SPMAP2L: variants seen among roughly 807,000 people sequenced by gnomAD.
SPMAP2L encodes the protein sperm microtubule associated protein 2 like.
the SPMAP2L span, chr4:56,594,816 A>G: frequency 1.9e-6 from 3 of 1,562,580 alleles, no homozygotes; most frequent in Admixed American, 1.7e-5. Context: ...ATCCATCAAC[A>G]TGGAGGATAG....
At chr4:56,543,989 A>G in the SPMAP2L span, among the ~76,000 whole-genome samples, 1 of 149,928 alleles carries the variant, frequency 6.7e-6, no homozygotes, top group African/African-American at 2.5e-5. Flanking sequence ...AGAGAGAGAG[A>G]GAGAGAGAGA....
chr4:56,562,493 A>G, the SPMAP2L span, among the ~76,000 whole-genome samples: 2 of 152,136 alleles, frequency 1.3e-5, no homozygotes, highest in Non-Finnish European at 2.9e-5. Flanking sequence ...ATAAGCTGCC[A>G]TATTTGTGTA....
chr4:56,571,040 G>A, the SPMAP2L span, among the ~76,000 whole-genome samples: 1 of 151,858 alleles, frequency 6.6e-6, no homozygotes, highest in East Asian at 1.9e-4. Flanking sequence ...CTGAGCTCAG[G>A]TGATCCACCA....
chr4:56,588,898 T>A, the SPMAP2L span, among the ~76,000 whole-genome samples: 1 of 152,240 alleles, frequency 6.6e-6, no homozygotes. Flanking sequence ...CTCCACTTTA[T>A]GCTTTTGTTT....
the SPMAP2L span, among the ~76,000 whole-genome samples, chr4:56,558,283 T>G: frequency 1.1e-4 from 16 of 152,272 alleles, no homozygotes; most frequent in African/African-American, 3.6e-4. Flanking sequence ...CAAATTTTTC[T>G]TGACTGTAGA....
chr4:56,549,130 G>C, the SPMAP2L span, among the ~76,000 whole-genome samples: 2 of 151,394 alleles, frequency 1.3e-5, no homozygotes, highest in African/African-American at 2.4e-5. Flanking sequence ...CTGGGATTAC[G>C]GGCATGTGCC....
chr4:56,542,292 G>C, the SPMAP2L span, among the ~76,000 whole-genome samples: 2 of 152,018 alleles, frequency 1.3e-5, no homozygotes, highest in African/African-American at 4.8e-5. Context: ...TCCTTTCTCT[G>C]GCCACTGTAT....
At chr4:56,612,032 T>C in the SPMAP2L span, among the ~76,000 whole-genome samples, 5,022 of 152,320 alleles carry the variant, frequency 0.033, 257 homozygotes, top group African/African-American at 0.11. Flanking sequence ...TGCTCCCATT[T>C]GGGTGGTCTT....
At chr4:56,536,499 G>A in the SPMAP2L span, among the ~76,000 whole-genome samples, 4 of 152,116 alleles carry the variant, frequency 2.6e-5, no homozygotes, top group African/African-American at 9.7e-5. Flanking sequence ...ACTCTTTTAC[G>A]TTAAGCTCTT....
At chr4:56,576,357 T>G in the SPMAP2L span, among the ~76,000 whole-genome samples, 1 of 152,166 alleles carries the variant, frequency 6.6e-6, no homozygotes, top group Non-Finnish European at 1.5e-5. Context: ...GTTAAAATAT[T>G]TAAAGGGTTG....
chr4:56,569,752 G>C, the SPMAP2L span, among the ~76,000 whole-genome samples: 17,286 of 151,994 alleles, frequency 0.11, 1,076 homozygotes, highest in East Asian at 0.2. Context: ...GGCCATGATT[G>C]CATCACTGCA....
chr4:56,586,650 C>T, the SPMAP2L span, among the ~76,000 whole-genome samples: 2 of 152,166 alleles, frequency 1.3e-5, no homozygotes, highest in Non-Finnish European at 2.9e-5. Context: ...TATGGTCTCT[C>T]CATGTGGCTT....
the SPMAP2L span, among the ~76,000 whole-genome samples, chr4:56,612,100 A>C: frequency 6.6e-6 from 1 of 152,210 alleles, no homozygotes; most frequent in African/African-American, 2.4e-5. Context: ...TGTGAGGACC[A>C]GAAGAGGAGC....
the SPMAP2L span, among the ~76,000 whole-genome samples, chr4:56,541,412 A>T: frequency 1.3e-5 from 2 of 152,190 alleles, no homozygotes; most frequent in Non-Finnish European, 2.9e-5. Context: ...TTTCACTTGC[A>T]TATTTGACAT....
chr4:56,547,412 AT>A, the SPMAP2L span, among the ~76,000 whole-genome samples: 2 of 151,826 alleles, frequency 1.3e-5, no homozygotes, highest in Non-Finnish European at 1.5e-5. Context: ...TGAGTGGCTA[AT>A]TTTTGTATTT....
At chr4:56,593,682 G>A in the SPMAP2L span, 2 of 1,602,518 alleles carry the variant, frequency 1.2e-6, no homozygotes, top group Non-Finnish European at 1.7e-6. Context: ...AGCTTGGTGA[G>A]AATGATGCCT....
chr4:56,589,007 G>A, the SPMAP2L span, among the ~76,000 whole-genome samples: 4 of 149,636 alleles, frequency 2.7e-5, no homozygotes, highest in African/African-American at 9.8e-5. Context: ...TTCTTTTTTT[G>A]AAATGGAGTC....
At chr4:56,616,036 G>A in the SPMAP2L span, among the ~76,000 whole-genome samples, 1 of 152,306 alleles carries the variant, frequency 6.6e-6, no homozygotes, top group African/African-American at 2.4e-5. Context: ...GCTTGAGAGT[G>A]AGCATTTCTA....
At chr4:56,593,235 G>A in the SPMAP2L span, 11 of 1,289,400 alleles carry the variant, frequency 8.5e-6, no homozygotes, top group East Asian at 4.6e-5. Context: ...GACATGGCCA[G>A]TGCATCCCTG....
Sources: gnomAD v4.1 joint callset for allele counts (sites outside exome capture counted in the v4.1 genomes callset) on GRCh38, gnomAD v4.1.1 for gene constraint, MANE v1.5 for transcripts, NCBI Gene and HGNC (gene_info 2026-07-23, HGNC 2026-07-21) for gene names.